Variants in MRC1 observed in about 807,000 individuals in gnomAD.
MRC1 encodes the protein mannose receptor C-type 1, also known as macrophage mannose receptor 1.
In MRC1, 62 loss-of-function variants were observed where a neutral mutation model predicts 102.9. That is an observed-to-expected ratio of 0.60 (90% CI 0.49 to 0.74). The LOEUF is 0.74. Among genes scored for constraint, MRC1 ranks in the 30% least tolerant of loss-of-function variants. The pLI is 0.00. For synonymous variants in MRC1, 457 were observed against 298.4 expected (o/e 1.53, Z -5.48); for missense variants, 1,237 against 862.8 (o/e 1.43, Z -5.43).
At chr10:17,843,994 T>C (rs1838788254) in intron 5 of MRC1, among the ~76,000 whole-genome samples, 1 of 152,180 alleles carries the variant, frequency 6.6e-6, no homozygotes, top group African/African-American at 2.4e-5. Flanking sequence ...AAATCATATA[T>C]TAGAGTAGCA....
At chr10:17,843,624 A>C in intron 5 of MRC1, among the ~76,000 whole-genome samples, 1 of 152,148 alleles carries the variant, frequency 6.6e-6, no homozygotes, top group East Asian at 1.9e-4. Flanking sequence ...AGATCACGCC[A>C]CTGGACTCTA....
rs1174756247 is a variant in MRC1 at position 17,809,738 on chromosome 10, C to T, written c.61+212C>T. Among the ~76,000 whole-genome samples, 3 of 152,306 alleles carry T rather than the reference C, an allele frequency of 2.0e-5. No homozygotes were observed. In the South Asian group the frequency reaches 6.2e-4, roughly 32 times the overall value. On this transcript the variant is annotated intron_variant, in intron 1 of 29. Transcript: ENST00000569591. ...TTGGAGGAGGGAGGAGGATGCGTCT[C>T]AGGTCTCGGTTGCTGCCCTGCCGGG...
chr10:17,894,453 G>T, intron 23 of MRC1, 141 bp downstream of exon 23: 2 of 629,074 alleles, frequency 3.2e-6, no homozygotes, highest in Non-Finnish European at 5.5e-6. Flanking sequence ...AGGCTGAAGT[G>T]CAGTGGTGTG....
In MRC1 at chr10:17,856,287, A is replaced by G. The variant is rs1160614744; in HGVS notation, c.1453A>G (p.Ile485Val). The change falls in exon 9 of 30, where the codon ATC (isoleucine) becomes GTC (valine). Residue 485 changes from isoleucine (I) to valine (V), a missense_variant. By Grantham distance (29) the Ile-to-Val change is conservative (BLOSUM62 3). Coordinates refer to ENST00000569591, the MANE Select transcript of MRC1 (RefSeq NM_002438.4). ...GGGCTGTGAGTGGCCTCTTGGCTAC[A>G]TCTGCAAGATGAAATCACGAAGCCA... ...DRGCEWPLGY[I>V]CKMKSRSQGP... The G allele has an allele frequency of 1.2e-6, 1 of 867,468 alleles. No individual in the cohort carries two copies. The highest frequency in any genetic ancestry group is 2.4e-5 in the East Asian group (1 of 41,622). The allele number at this position is 867,468 out of a possible 1,614,324, so 53.7% of individuals were successfully genotyped here.
At position 17,827,688 on chromosome 10, in the gene MRC1, A is replaced by G. The variant is rs1554838765; in HGVS notation, c.610A>G (p.Lys204Glu). Reference protein sequence around the residue: ...CGTTTDYDTDKLFGYCPLKFE... With the variant: ...CGTTTDYDTDELFGYCPLKFE... ...AACCACTACTGACTATGACACAGAC[A>G]AGCTATTTGGATATTGTCCATTGAA... is the stretch of plus-strand genomic sequence containing the variant. The change falls in exon 3 of 30, where the codon AAG (lysine) becomes GAG (glutamate). Residue 204 changes from lysine to glutamate, a missense_variant. Transcript: ENST00000569591. 1 of 780,876 alleles carries G rather than the reference A, an allele frequency of 1.3e-6. No homozygotes were observed. The highest frequency in any genetic ancestry group is 1.3e-5 in the South Asian group (1 of 74,620). 48.4% of individuals were successfully genotyped at this position (780,876 alleles called of 1,614,324 possible). A position where few individuals can be genotyped will look rare whatever the true frequency, so the allele number is the denominator to read the frequency against.
intron 2 of MRC1, among the ~76,000 whole-genome samples, chr10:17,825,213 T>G (rs965092306): frequency 2.6e-5 from 4 of 152,106 alleles, no homozygotes; most frequent in Non-Finnish European, 5.9e-5. Flanking sequence ...GTATCTCTGA[T>G]GAGAACATGG....
chr10:17,893,331 A>AT (rs1421710041), intron 22 of MRC1, among the ~76,000 whole-genome samples: 2 of 151,856 alleles, frequency 1.3e-5, no homozygotes, highest in African/African-American at 2.4e-5. Context: ...AATTTTGTTT[A>AT]TTTTTTGTAG....
chr10:17,853,718 T>G (rs1190577653), intron 8 of MRC1, among the ~76,000 whole-genome samples: 3 of 152,124 alleles, frequency 2.0e-5, no homozygotes, highest in Admixed American at 6.6e-5. Flanking sequence ...GAAGCTGTAC[T>G]TGGGGAGCTA....
chr10:17,880,811 T>C (rs1253546834), intron 20 of MRC1, 141 bp downstream of exon 20: 6 of 751,314 alleles, frequency 8.0e-6, no homozygotes, highest in Non-Finnish European at 1.5e-5. Context: ...CGTGACAAAC[T>C]CTTTATGGAA....
chr10:17,867,633 G>T (rs1833295559), intron 12 of MRC1, among the ~76,000 whole-genome samples: 1 of 151,980 alleles, frequency 6.6e-6, no homozygotes, highest in Non-Finnish European at 1.5e-5. Flanking sequence ...ATGTTGCCCA[G>T]GCTAGTCTCA....
At chr10:17,874,059 C>T (rs1436886149) in intron 16 of MRC1, among the ~76,000 whole-genome samples, 1 of 152,156 alleles carries the variant, frequency 6.6e-6, no homozygotes, top group East Asian at 1.9e-4. Flanking sequence ...TTCCAAGGTC[C>T]CAGGTTCCTT....
rs1308685477 is a variant in MRC1 at position 17,866,689 on chromosome 10, G to T, written c.1911G>T (p.Lys637Asn). 2 of 780,736 alleles carry T rather than the reference G, an allele frequency of 2.6e-6. No homozygotes were observed. The highest frequency in any genetic ancestry group is 4.8e-6 in the Non-Finnish European group (2 of 417,964). The allele number at this position is 780,736 out of a possible 1,614,324, so 48.4% of individuals were successfully genotyped here. The change falls in exon 12 of 30, where the codon AAG becomes AAT. Residue 637 changes from lysine to asparagine, a missense_variant. Coordinates refer to ENST00000569591, the MANE Select transcript of MRC1 (RefSeq NM_002438.4). Reference protein sequence around the residue: ...HWAEGVTHPPKPTTTPEPKCP... With the variant: ...HWAEGVTHPPNPTTTPEPKCP... The stretch of plus-strand genomic sequence containing the variant: ...CAGAAGGAGTAACCCACCCACCGAA[G>T]CCCACGACGACTCCCGAACCCAAAT...
intron 4 of MRC1, among the ~76,000 whole-genome samples, chr10:17,837,215 G>C (rs1432047214): frequency 2.6e-5 from 4 of 152,306 alleles, no homozygotes; most frequent in Admixed American, 1.3e-4. Context: ...ATACTTACTT[G>C]AATCTTATCC....
chr10:17,839,428 T>A (rs1838717258), intron 4 of MRC1, among the ~76,000 whole-genome samples: 1 of 149,388 alleles, frequency 6.7e-6, no homozygotes, highest in Non-Finnish European at 1.5e-5. Context: ...GAGCATGTCC[T>A]GTAGAATACG....
chr10:17,881,314 T>A, intron 21 of MRC1, 133 bp downstream of exon 21: 1 of 680,172 alleles, frequency 1.5e-6, no homozygotes, highest in Admixed American at 2.6e-5. Context: ...AAAAATCAAA[T>A]GCTTATTGAA....
chr10:17,874,168 G>A (rs983023762), intron 16 of MRC1, among the ~76,000 whole-genome samples: 115 of 152,308 alleles, frequency 7.6e-4, no homozygotes, highest in Non-Finnish European at 1.2e-3. Context: ...TACAGTTCTG[G>A]AAGTCAGAAA....
rs1554838389 is a variant in MRC1, at chr10:17,823,171, C to T, written c.159C>T (p.Ala53=). 6.4e-6 allele frequency: 5 copies of T among 780,656 alleles called. No individual in the cohort carries two copies. The highest frequency in any genetic ancestry group is 1.3e-5 in the South Asian group (1 of 74,604). 48.4% of individuals were successfully genotyped at this position (780,656 alleles called of 1,614,324 possible). Residue 53 remains alanine (A), a synonymous_variant, in exon 2 of 30, where the codon GCC becomes GCT. Transcript: ENST00000569591. The stretch of plus-strand genomic sequence containing the variant: ...AAACCGCAGCTTGCAACCAGGATGC[C>T]GAATCACAGAAATTCCGATGGGTGT... ...AVQTAACNQD[A]ESQKFRWVSE...
At chr10:17,839,829 T>C (rs1432371683) in intron 4 of MRC1, among the ~76,000 whole-genome samples, 1 of 150,978 alleles carries the variant, frequency 6.6e-6, no homozygotes, top group Non-Finnish European at 1.5e-5. Flanking sequence ...GAGTCTGAGG[T>C]GGGCGGATCA....
chr10:17,818,005 C>G (rs1838338558), intron 1 of MRC1, among the ~76,000 whole-genome samples: 1 of 152,186 alleles, frequency 6.6e-6, no homozygotes, highest in Non-Finnish European at 1.5e-5. Context: ...TTTTACATTT[C>G]CTTGTATTGT....
Sources: allele counts gnomAD v4.1 joint callset (sites outside exome capture counted in the v4.1 genomes callset), GRCh38; gene constraint gnomAD v4.1.1; transcripts MANE v1.5; gene names NCBI Gene and HGNC (gene_info 2026-07-23, HGNC 2026-07-21).